Variants in CKAP5 observed in about 807,000 individuals in gnomAD.
CKAP5 encodes cytoskeleton-associated protein 5.
CKAP5 carries 27 observed loss-of-function variants against 232.8 expected under a neutral mutation model. The observed-to-expected ratio is 0.12, with a 90% confidence interval of 0.09 to 0.16. The LOEUF is 0.16. Ranked by LOEUF, CKAP5 falls within the 10% of genes least tolerant of loss-of-function variation. The probability of loss-of-function intolerance (pLI) is 1.00; values close to 1 mark genes in which losing one functional copy is unlikely to be tolerated. For missense variants in CKAP5, 1,838 were observed against 2,424.7 expected (o/e 0.76, Z 5.08); for synonymous variants, 785 against 841.1 (o/e 0.93, Z 1.16).
chr11:46,755,121 CG>C (rs1565718225), intron 35 of CKAP5, 54 bp from the exon 36 acceptor site: 1 of 1,374,338 alleles, frequency 7.3e-7, no homozygotes, highest in Admixed American at 2.3e-5. Context: ...TCTAAAATAG[CG>C]GAAGACACTA....
intron 1 of CKAP5, among the ~76,000 whole-genome samples, chr11:46,824,630 C>T (rs1367173022): frequency 1.3e-5 from 2 of 152,104 alleles, no homozygotes; most frequent in African/African-American, 4.8e-5. Context: ...AATTATTATA[C>T]CTCTGTATTT....
At chr11:46,826,957 A>C (rs1939672288) in intron 1 of CKAP5, 1 of 152,788 alleles carries the variant, frequency 6.5e-6, no homozygotes, top group South Asian at 2.0e-4. Context: ...CACACTCTGA[A>C]AGCTTAAAGG....
At chr11:46,823,186 G>A (rs896564822) in intron 1 of CKAP5, among the ~76,000 whole-genome samples, 4 of 152,026 alleles carry the variant, frequency 2.6e-5, no homozygotes, top group African/African-American at 9.7e-5. Flanking sequence ...GCCCAGACTG[G>A]TCTCGAACTC....
intron 1 of CKAP5, among the ~76,000 whole-genome samples, chr11:46,843,953 G>A (rs1940119104): frequency 6.6e-6 from 1 of 152,086 alleles, no homozygotes; most frequent in Non-Finnish European, 1.5e-5. Context: ...AGGTGTGGTG[G>A]CTCACACCTG....
intron 16 of CKAP5, among the ~76,000 whole-genome samples, chr11:46,788,249 A>G (rs542521112): frequency 6.6e-6 from 1 of 152,324 alleles, no homozygotes; most frequent in South Asian, 2.1e-4. Flanking sequence ...TTATGTGTTC[A>G]ATCAAAATGC....
At chr11:46,774,045 TA>T (rs1199131939) in intron 24 of CKAP5, among the ~76,000 whole-genome samples, 1 of 152,084 alleles carries the variant, frequency 6.6e-6, no homozygotes, top group Non-Finnish European at 1.5e-5. Flanking sequence ...GAGAAAGAAA[TA>T]AGGGTATTGA....
intron 42 of CKAP5, among the ~76,000 whole-genome samples, chr11:46,750,005 G>A (rs1303010072): frequency 6.6e-6 from 1 of 152,128 alleles, no homozygotes; most frequent in East Asian, 1.9e-4. Context: ...CAGTGAGACT[G>A]GAGGAAAACA....
At chr11:46,841,044 G>A (rs1233640688) in intron 1 of CKAP5, among the ~76,000 whole-genome samples, 1 of 152,066 alleles carries the variant, frequency 6.6e-6, no homozygotes. Flanking sequence ...TGAGGCGGGC[G>A]GATCACTTGA....
chr11:46,826,145 T>G (rs1482464133), intron 1 of CKAP5, among the ~76,000 whole-genome samples: 2 of 152,136 alleles, frequency 1.3e-5, no homozygotes, highest in African/African-American at 4.8e-5. Flanking sequence ...TCCCACAAAT[T>G]CCTTCAGAGA....
rs187502940 is a variant in CKAP5 at position 46,836,335 on chromosome 11, G to A, written c.-38+9885C>T. Among the ~76,000 whole-genome samples, 420 of 152,268 alleles carry A rather than the reference G, an allele frequency of 2.8e-3. 2 individuals carry two copies. Among genetic ancestry groups the A allele is most frequent in the African/African-American group, 9.6e-3 (398 of 41,550 alleles). On this transcript the variant is annotated intron_variant, in intron 1 of 43. Coordinates refer to ENST00000529230, the MANE Select transcript of CKAP5 (RefSeq NM_001008938.4). ...CAATCTATAATTATTCCAAAATAAA[G>A]TTAATTTTTAAAAAGTTTCCTCTTA... is the stretch of plus-strand genomic sequence containing the variant.
rs1425499431 is a variant in CKAP5 at position 46,807,428 on chromosome 11, T to C, written c.978+603A>G. ...CAAAACAAAATTTTCATTCTTGCTA[T>C]ATTCATGAAGATGTTTTCAGAGTTT... is the stretch of plus-strand genomic sequence containing the variant. On this transcript the variant is annotated intron_variant, in intron 8 of 43. Coordinates refer to ENST00000529230, the MANE Select transcript of CKAP5 (RefSeq NM_001008938.4). Among the ~76,000 whole-genome samples the C allele has an allele frequency of 5.3e-5, 8 of 152,368 alleles. No homozygotes were observed. The Middle Eastern group carries it at 0.01, about 194-fold the overall frequency.
At position 46,744,419 on chromosome 11, in the gene CKAP5, G is replaced by T; in HGVS notation, c.5856+7C>A. On this transcript the variant is annotated splice_region_variant and intron_variant, in intron 43 of 43. Coordinates refer to ENST00000529230, the MANE Select transcript of CKAP5 (RefSeq NM_001008938.4). ...CCCTGAACTGCACAGAAGAAAAGGA[G>T]CAGTACCTTTGTGTTGTCCAGACCA... 1 of 1,614,132 alleles carries T rather than the reference G, an allele frequency of 6.2e-7. No homozygotes were observed. Among genetic ancestry groups the T allele is most frequent in the Non-Finnish European group, 8.5e-7 (1 of 1,180,018 alleles).
intron 33 of CKAP5, among the ~76,000 whole-genome samples, chr11:46,760,163 AAGTGAATC>A (rs927444129): frequency 2.0e-5 from 3 of 152,210 alleles, no homozygotes; most frequent in African/African-American, 7.2e-5. Context: ...ACAAAGAAGA[AAGTGAATC>A]AGTATTTTAG....
chr11:46,829,164 C>T (rs937784978), intron 1 of CKAP5, among the ~76,000 whole-genome samples: 5 of 152,254 alleles, frequency 3.3e-5, no homozygotes, highest in South Asian at 2.1e-4. Context: ...TTGAACTGCA[C>T]GGGTTGACTT....
At chr11:46,752,193 T>TATACACAC (rs1408030107) in intron 38 of CKAP5, among the ~76,000 whole-genome samples, 41 of 66,530 alleles carry the variant, frequency 6.2e-4, no homozygotes, top group African/African-American at 2.0e-3. Context: ...TATATATATA[T>TATACACAC]ACACACACAC....
In CKAP5 at chr11:46,744,590, AAGT is replaced by A; in HGVS notation, c.5705-16_5705-14del. 6.2e-7 allele frequency: 1 copy of A among 1,612,248 alleles called. No individual in the cohort carries two copies. Among genetic ancestry groups the A allele is most frequent in the Non-Finnish European group, 8.5e-7 (1 of 1,178,668 alleles). On this transcript the variant is annotated splice_polypyrimidine_tract_variant and intron_variant, in intron 42 of 43. Coordinates refer to ENST00000529230, the MANE Select transcript of CKAP5 (RefSeq NM_001008938.4). Reference sequence around the variant, plus strand: ...TGAGGGGAGATGCCTAGAGGGGAAAAAGTAGAAAGAATATTCAGATATCCACAT... The same window carrying A: ...TGAGGGGAGATGCCTAGAGGGGAAAAAGAAAGAATATTCAGATATCCACAT...
intron 8 of CKAP5, chr11:46,802,357 C>G (rs1939048638): frequency 1.3e-5 from 2 of 152,046 alleles, no homozygotes; most frequent in Admixed American, 1.3e-4. Context: ...GGTACACTGC[C>G]CAATCAGTTG....
chr11:46,787,344 G>C (rs1487550752), intron 16 of CKAP5, among the ~76,000 whole-genome samples: 1 of 152,190 alleles, frequency 6.6e-6, no homozygotes, highest in Admixed American at 6.5e-5. Context: ...AAACCAAAAA[G>C]AGACTAGCAG....
At chr11:46,839,167 A>G (rs1472084091) in intron 1 of CKAP5, among the ~76,000 whole-genome samples, 1 of 152,250 alleles carries the variant, frequency 6.6e-6, no homozygotes, top group East Asian at 1.9e-4. Context: ...AGTGACCAAG[A>G]GGGCTCCTCT....
Sources: allele counts gnomAD v4.1 joint callset (sites outside exome capture counted in the v4.1 genomes callset), GRCh38; gene constraint gnomAD v4.1.1; transcripts MANE v1.5; gene names NCBI Gene and HGNC (gene_info 2026-07-23, HGNC 2026-07-21).